The following EYA2 variants were observed in gnomAD, a reference collection of about 807,000 sequenced individuals.
EYA2 encodes the protein EYA transcriptional coactivator and phosphatase 2.
In EYA2, 31 loss-of-function variants were observed where a neutral mutation model predicts 69.2. The ratio of observed to expected loss-of-function variants is 0.45; its 90% CI spans 0.34 to 0.60. The LOEUF (loss-of-function observed/expected upper bound fraction) is 0.60. EYA2 is among the 20% of genes least tolerant of loss of function. The pLI is 0.02. For synonymous variants in EYA2, 257 were observed against 279.4 expected, an observed-to-expected ratio of 0.92 and a Z score of 0.80; for missense variants, 622 against 701.2, an observed-to-expected ratio of 0.89 and a Z score of 1.28.
intron 5 of EYA2, among the ~76,000 whole-genome samples, chr20:47,066,331 CA>C (rs879918646): frequency 3.7e-4 from 52 of 141,122 alleles, no homozygotes; most frequent in East Asian, 4.1e-4. Context: ...GACCTTGTCT[CA>C]AAAAAAAAAA....
intron 10 of EYA2, among the ~76,000 whole-genome samples, chr20:47,153,825 C>T (rs2033870218): frequency 6.6e-6 from 1 of 151,940 alleles, no homozygotes; most frequent in Admixed American, 6.5e-5. Context: ...ACCTAAGTTC[C>T]AATTCTGACC....
At position 47,127,005 on chromosome 20, in the gene EYA2, G is replaced by A. The variant is rs542195641; in HGVS notation, c.889-16054G>A. Among the ~76,000 whole-genome samples, 37 of 152,184 alleles carry A rather than the reference G, an allele frequency of 2.4e-4. No homozygotes were observed. The South Asian group carries it at 6.8e-3, about 28-fold the overall frequency. ...CTCAGACTTTTCATTCTTGTAGAATGCTCAAATGCTCACTCTAGAAGCAAT... is the reference window on the plus strand; with the variant it reads ...CTCAGACTTTTCATTCTTGTAGAATACTCAAATGCTCACTCTAGAAGCAAT... On this transcript the variant is annotated intron_variant, in intron 9 of 15. Transcript: ENST00000327619.
At chr20:47,079,792 G>A (rs1568764781) in intron 7 of EYA2, among the ~76,000 whole-genome samples, 1 of 150,806 alleles carries the variant, frequency 6.6e-6, no homozygotes, top group South Asian at 2.1e-4. Flanking sequence ...TATTGTGATA[G>A]GTTAAAAAAA....
chr20:47,161,205 C>T (rs946726381), intron 10 of EYA2: 12 of 464,218 alleles, frequency 2.6e-5, no homozygotes, highest in Admixed American at 1.9e-4. Flanking sequence ...TGGGGCTTGC[C>T]GATCTTGCTC....
chr20:46,927,778 C>T (rs1187521638), intron 1 of EYA2, among the ~76,000 whole-genome samples: 3 of 152,144 alleles, frequency 2.0e-5, no homozygotes, highest in Admixed American at 2.0e-4. Flanking sequence ...ATGCCCTGCC[C>T]TCTTACTAAA....
At chr20:47,025,580 C>G (rs1984033065) in intron 5 of EYA2, among the ~76,000 whole-genome samples, 1 of 152,106 alleles carries the variant, frequency 6.6e-6, no homozygotes, top group Non-Finnish European at 1.5e-5. Context: ...TTACTGGGGG[C>G]CATTTGGCCT....
At chr20:46,983,404 C>T (rs888959487) in intron 1 of EYA2, among the ~76,000 whole-genome samples, 1 of 152,152 alleles carries the variant, frequency 6.6e-6, no homozygotes, top group African/African-American at 2.4e-5. Context: ...TGACTCAAGG[C>T]AGGATCTATT....
At chr20:47,097,226 C>A in intron 9 of EYA2, 58 bp downstream of exon 9, 1 of 1,370,164 alleles carries the variant, frequency 7.3e-7, no homozygotes, top group Non-Finnish European at 1.0e-6. Context: ...ATTGTCCAGC[C>A]AGTTTGTCCT....
intron 9 of EYA2, among the ~76,000 whole-genome samples, chr20:47,119,125 C>A (rs2032979152): frequency 1.3e-5 from 2 of 152,334 alleles, no homozygotes; most frequent in South Asian, 4.2e-4. Context: ...AGCCGTCTCC[C>A]CTCCAACTAC....
At chr20:47,049,860 A>ACCCCCCCCC (rs57648069) in intron 5 of EYA2, among the ~76,000 whole-genome samples, 12 of 126,252 alleles carry the variant, frequency 9.5e-5, no homozygotes, top group Non-Finnish European at 1.7e-4. Context: ...TCTGTGACAG[A>ACCCCCCCCC]CCCCCCCCCC....
chr20:46,958,477 G>C (rs1979271423), intron 1 of EYA2, among the ~76,000 whole-genome samples: 1 of 152,066 alleles, frequency 6.6e-6, no homozygotes, highest in Non-Finnish European at 1.5e-5. Context: ...ATGTTATATA[G>C]TTTTTCACTG....
intron 1 of EYA2, among the ~76,000 whole-genome samples, chr20:46,919,556 A>G (rs1985088337): frequency 6.6e-6 from 1 of 152,224 alleles, no homozygotes; most frequent in Non-Finnish European, 1.5e-5. Flanking sequence ...CTTTCATAGA[A>G]TTGAAGAGAG....
intron 5 of EYA2, among the ~76,000 whole-genome samples, chr20:47,045,641 T>C (rs2029995595): frequency 6.6e-6 from 1 of 152,254 alleles, no homozygotes; most frequent in African/African-American, 2.4e-5. Context: ...GCCCCTGTCT[T>C]CTTCCTCAAC....
intron 1 of EYA2, among the ~76,000 whole-genome samples, chr20:46,975,004 T>A (rs910013414): frequency 8.6e-5 from 13 of 151,638 alleles, no homozygotes; most frequent in Non-Finnish European, 1.9e-4. Flanking sequence ...GGTTGCATAC[T>A]GCGTGATTCC....
chr20:46,926,686 T>G (rs1985428816), intron 1 of EYA2, among the ~76,000 whole-genome samples: 1 of 152,208 alleles, frequency 6.6e-6, no homozygotes, highest in East Asian at 1.9e-4. Context: ...AGCTGACATG[T>G]AAAATTAACC....
chr20:47,063,456 G>T (rs993828862), intron 5 of EYA2, among the ~76,000 whole-genome samples: 1 of 151,230 alleles, frequency 6.6e-6, no homozygotes, highest in East Asian at 1.9e-4. Context: ...CAGGAGAATA[G>T]GGTCTGGAGG....
In EYA2 at chr20:47,070,535, T is replaced by C. The variant is rs561058622; in HGVS notation, c.416-1650T>C. 1.2e-4 allele frequency among the ~76,000 whole-genome samples: 18 copies of C among 152,370 alleles called. 1 individual carries two copies. The highest frequency in any genetic ancestry group is 1.2e-3 in the Admixed American group (18 of 15,300). Reference sequence around the variant, plus strand: ...ACCACACAACTCTGTAATTCTACTCTTAGGGATTTACCCAAGAGAAATGAA... The same window carrying C: ...ACCACACAACTCTGTAATTCTACTCCTAGGGATTTACCCAAGAGAAATGAA... On this transcript the variant is annotated intron_variant, in intron 5 of 15. Transcript: ENST00000327619.
At chr20:46,998,978 G>A (rs1373964071) in intron 2 of EYA2, among the ~76,000 whole-genome samples, 1 of 152,146 alleles carries the variant, frequency 6.6e-6, no homozygotes, top group Admixed American at 6.5e-5. Flanking sequence ...AGTGGGGGAG[G>A]GGAACCTGTC....
intron 10 of EYA2, among the ~76,000 whole-genome samples, chr20:47,167,969 G>A (rs189577122): frequency 2.0e-5 from 3 of 152,160 alleles, no homozygotes; most frequent in Admixed American, 6.5e-5. Flanking sequence ...TCTCCAGCTC[G>A]CAGCCCTGCT....
Sources: gnomAD v4.1 joint callset for allele counts (sites outside exome capture counted in the v4.1 genomes callset) on GRCh38, gnomAD v4.1.1 for gene constraint, MANE v1.5 for transcripts, NCBI Gene and HGNC (gene_info 2026-07-23, HGNC 2026-07-21) for gene names.